ZFP62: variants seen among roughly 807,000 people sequenced by gnomAD.
ZFP62 encodes the protein ZFP62 zinc finger protein.
Under a neutral mutation model 56.4 loss-of-function variants are expected in ZFP62, and 44 were observed. The ratio of observed to expected loss-of-function variants is 0.78; its 90% CI spans 0.61 to 1.00. The LOEUF (loss-of-function observed/expected upper bound fraction) is 1.00, where lower values mean the gene tolerates loss of function less well. Among genes scored for constraint, ZFP62 ranks in the 50% least tolerant of loss-of-function variants. The pLI, the probability that ZFP62 is intolerant of heterozygous loss-of-function variation, is 0.00. For synonymous variants in ZFP62, 421 were observed against 388.9 expected (o/e 1.08, Z -0.97); for missense variants, 1,030 against 1,085.7 (o/e 0.95, Z 0.72).
downstream of ZFP62, among the ~76,000 whole-genome samples, chr5:180,844,418 C>T (rs2113660888): frequency 6.6e-6 from 1 of 152,302 alleles, no homozygotes; most frequent in South Asian, 2.1e-4. Context: ...CACCCCAGGA[C>T]CACTACTTAT....
chr5:180,840,276 G>C, the ZFP62 span, among the ~76,000 whole-genome samples: 1 of 152,206 alleles, frequency 6.6e-6, no homozygotes, highest in Non-Finnish European at 1.5e-5. Flanking sequence ...TGCACTGGCC[G>C]TGAAAAGGGG....
chr5:180,860,302 A>G (rs575749623), intron 1 of ZFP62, among the ~76,000 whole-genome samples: 1 of 152,340 alleles, frequency 6.6e-6, no homozygotes, highest in Admixed American at 6.5e-5. Context: ...GTAACTTTTT[A>G]TATTTTTAAT....
chr5:180,844,270 T>C (rs1417237693), downstream of ZFP62, among the ~76,000 whole-genome samples: 1 of 152,248 alleles, frequency 6.6e-6, no homozygotes, highest in African/African-American at 2.4e-5. Context: ...AAACAGGTCT[T>C]TTCCCTCATT....
chr5:180,839,577 A>G, the ZFP62 span, among the ~76,000 whole-genome samples: 1 of 152,162 alleles, frequency 6.6e-6, no homozygotes, highest in African/African-American at 2.4e-5. Context: ...ACATGGATAC[A>G]AAGAGGGGAA....
chr5:180,828,759 TCTGA>T, the ZFP62 span, among the ~76,000 whole-genome samples: 12 of 152,266 alleles, frequency 7.9e-5, no homozygotes, highest in East Asian at 1.5e-3. Context: ...AACCATAAGG[TCTGA>T]CTGCCTGCGG....
rs1016001448 is a variant in ZFP62, at chr5:180,851,551, A to C, written c.2-58T>G. On this transcript the variant is annotated intron_variant, in intron 1 of 1. Transcript: ENST00000502412. Reference sequence around the variant, plus strand: ...ACTCTCTTAAAAAAAAACAAAAACAAACTGGAATAACAATGAACAACATTC... The same window carrying C: ...ACTCTCTTAAAAAAAAACAAAAACACACTGGAATAACAATGAACAACATTC... The C allele has an allele frequency of 4.1e-6, 6 of 1,446,536 alleles. No individual in the cohort carries two copies. The African/African-American group carries it at 7.2e-5, about 17-fold the overall frequency. The allele number at this position is 1,446,536 out of a possible 1,614,324, so 89.6% of individuals were successfully genotyped here. A position where few individuals can be genotyped will look rare whatever the true frequency, so the allele number is the denominator to read the frequency against.
In ZFP62 at chr5:180,848,563, T is replaced by A. The variant is rs577631794; in HGVS notation, c.*229A>T. The A allele has an allele frequency of 3.2e-6, 4 of 1,234,070 alleles. No individual in the cohort carries two copies. The highest frequency in any genetic ancestry group is 4.1e-6 in the Non-Finnish European group (4 of 986,612). The allele number at this position is 1,234,070 out of a possible 1,614,324, so 76.4% of individuals were successfully genotyped here. On this transcript the variant is annotated 3_prime_UTR_variant, in exon 2 of 2. Transcript: ENST00000502412. ...TCACATTCCATCACTCAGATCTAAG[T>A]TTTTCTCTCAAGTATGGACTGTTTT...
rs1481658022 is a variant in ZFP62, at chr5:180,849,633, A to T, written c.1862T>A (p.Val621Glu). 3.9e-6 allele frequency: 6 copies of T among 1,551,106 alleles called. No homozygotes were observed. Among genetic ancestry groups the T allele is most frequent in the Non-Finnish European group, 1.7e-6 (2 of 1,146,842 alleles). The change falls in exon 2 of 2, where the codon GTG becomes GAG. Residue 621 changes from valine to glutamate, a missense_variant. Coordinates refer to ENST00000502412, the MANE Select transcript of ZFP62 (RefSeq NM_001172638.2). Reference sequence around the variant, plus strand: ...TGTGTAATTAAAAGATTTCTCACACACATCACATTTGTAGGGCTTCTCCCC... The same window carrying T: ...TGTGTAATTAAAAGATTTCTCACACTCATCACATTTGTAGGGCTTCTCCCC... ...HLGEKPYKCD[V>E]CEKSFNYTSL...
chr5:180,837,175 G>A, the ZFP62 span, among the ~76,000 whole-genome samples: 4 of 152,190 alleles, frequency 2.6e-5, no homozygotes, highest in East Asian at 7.7e-4. Context: ...CAAAGCATTG[G>A]TGAGTGGCTG....
chr5:180,859,239 G>A (rs1008554482), intron 1 of ZFP62, among the ~76,000 whole-genome samples: 3 of 152,188 alleles, frequency 2.0e-5, no homozygotes, highest in African/African-American at 7.2e-5. Flanking sequence ...AGGTTCACGC[G>A]TGGATTCTAC....
At chr5:180,834,648 G>T in the ZFP62 span, 2 of 152,068 alleles carry the variant, frequency 1.3e-5, no homozygotes, top group South Asian at 2.1e-4. Flanking sequence ...CCAGTCTATG[G>T]TAACTTGCTA....
chr5:180,838,767 G>A, the ZFP62 span, among the ~76,000 whole-genome samples: 1 of 152,332 alleles, frequency 6.6e-6, no homozygotes, highest in East Asian at 1.9e-4. Context: ...GGTGAAAAAT[G>A]TTGATAATAC....
chr5:180,828,787 G>A, the ZFP62 span, among the ~76,000 whole-genome samples: 3 of 152,204 alleles, frequency 2.0e-5, no homozygotes, highest in African/African-American at 7.2e-5. Flanking sequence ...CAGGCAAAAA[G>A]AGCCATATTT....
chr5:180,828,998 C>A, the ZFP62 span, among the ~76,000 whole-genome samples: 1 of 152,182 alleles, frequency 6.6e-6, no homozygotes, highest in South Asian at 2.1e-4. Context: ...TCCTGCAGTA[C>A]CCTCAGCCTT....
chr5:180,849,052 A>C lies in ZFP62; in HGVS notation c.2443T>G (p.Cys815Gly). The C allele has an allele frequency of 6.4e-7, 1 of 1,551,950 alleles. No homozygotes were observed. The highest frequency in any genetic ancestry group is 1.2e-5 in the South Asian group (1 of 84,050). Residue 815 changes from cysteine (C) to glycine (G), a missense_variant, in exon 2 of 2, where the codon TGT (cysteine) becomes GGT (glycine). By Grantham distance (159) the Cys-to-Gly change is radical. Transcript: ENST00000502412. ...TAATTGAAGGATTTCCCACACTCAC[A>C]ATTATAGGGCTGCTTCCCCTGGTGG... ...SVHQGKQPYNCECGKSFNYRS... is the reference protein window; with the variant it reads ...SVHQGKQPYNGECGKSFNYRS...
chr5:180,847,629 CTTT>C lies in ZFP62; in HGVS notation c.*1160_*1162del. ...CAGCCCGTTTTGATTTAAGGAATTT[CTTT>C]ATTGGAATTCCACTTTACCTCGCCA... On this transcript the variant is annotated 3_prime_UTR_variant, in exon 2 of 2. Coordinates refer to ENST00000502412, the MANE Select transcript of ZFP62 (RefSeq NM_001172638.2). 1 of 985,406 alleles carries C rather than the reference CTTT, an allele frequency of 1.0e-6. No individual in the cohort carries two copies. Among genetic ancestry groups the C allele is most frequent in the South Asian group, 4.7e-5 (1 of 21,286 alleles). 61.0% of individuals were successfully genotyped at this position (985,406 alleles called of 1,614,324 possible).
chr5:180,851,339 T>C lies in ZFP62; in HGVS notation c.156A>G (p.Gln52=), dbSNP rs1425379870. 3 of 1,551,704 alleles carry C rather than the reference T, an allele frequency of 1.9e-6. No homozygotes were observed. The highest frequency in any genetic ancestry group is 2.0e-5 in the Admixed American group (1 of 50,992). ...TCVWDSKVEN[Q]QKKPVENRMK... Reference sequence around the variant, plus strand: ...TCCTGTTTTCCACAGGCTTTTTCTGTTGATTCTCTACCTTGCTATCCCAAA... The same window carrying C: ...TCCTGTTTTCCACAGGCTTTTTCTGCTGATTCTCTACCTTGCTATCCCAAA... Residue 52 remains glutamine, a synonymous_variant, in exon 2 of 2, where the codon CAA becomes CAG. Transcript: ENST00000502412.
downstream of ZFP62, among the ~76,000 whole-genome samples, chr5:180,842,886 TACA>T: frequency 6.6e-6 from 1 of 151,796 alleles, no homozygotes; most frequent in East Asian, 1.9e-4. Context: ...CTACTAAAAA[TACA>T]ACAATTAGCC....
At chr5:180,856,197 G>A (rs1166949691) in intron 1 of ZFP62, among the ~76,000 whole-genome samples, 1 of 152,190 alleles carries the variant, frequency 6.6e-6, no homozygotes, top group African/African-American at 2.4e-5. Context: ...AAACCCCTCT[G>A]TTTGGGTTGG....
Sources: gnomAD v4.1 joint callset for allele counts (sites outside exome capture counted in the v4.1 genomes callset) on GRCh38, gnomAD v4.1.1 for gene constraint, MANE v1.5 for transcripts, NCBI Gene and HGNC (gene_info 2026-07-23, HGNC 2026-07-21) for gene names.